Variants in QRICH2 observed in about 807,000 individuals in gnomAD.
QRICH2 encodes glutamine-rich protein 2.
In QRICH2, 119 loss-of-function variants were observed where a neutral mutation model predicts 168.3. That is an observed-to-expected ratio of 0.71 (90% CI 0.61 to 0.82). The LOEUF is 0.82. Among genes scored for constraint, QRICH2 ranks in the 40% least tolerant of loss-of-function variants. The probability of loss-of-function intolerance (pLI) is 0.00; values close to 1 mark genes in which losing one functional copy is unlikely to be tolerated. For missense variants in QRICH2, 2,241 were observed against 2,491.6 expected, an observed-to-expected ratio of 0.90 and a Z score of 2.14; for synonymous variants, 894 against 951.2, an observed-to-expected ratio of 0.94 and a Z score of 1.11.
chr17:76,305,091 C>A, intron 1 of QRICH2, 150 bp from the exon 2 acceptor site: 3 of 645,066 alleles, frequency 4.7e-6, no homozygotes, highest in South Asian at 3.4e-5. Flanking sequence ...TGCCAGGAGA[C>A]GAGGAAAGGG....
intron 7 of QRICH2, among the ~76,000 whole-genome samples, chr17:76,283,579 C>T (rs1356409981): frequency 1.3e-5 from 2 of 152,166 alleles, no homozygotes; most frequent in Non-Finnish European, 2.9e-5. Flanking sequence ...GAATGTGGCT[C>T]AAAGCACAAA....
rs2070626513 is a variant in QRICH2 at position 76,274,124 on chromosome 17, C to G, written c.5619G>C (p.Gly1873=). The G allele has an allele frequency of 1.1e-5, 17 of 1,588,564 alleles. No individual in the cohort carries two copies. Among genetic ancestry groups the G allele is most frequent in the Non-Finnish European group, 1.5e-5 (17 of 1,170,862 alleles). ...GCGGCCCCCGCGTGGGCTCCTCGAG[C>G]CCCTCCCCAGGAGGCATGTCCACGT... is the stretch of plus-strand genomic sequence containing the variant. ...ERHVDMPPGE[G]LEEPTRGPRS... The change falls in exon 19 of 19, where the codon GGG becomes GGC. Residue 1873 remains glycine, a synonymous_variant. Coordinates refer to ENST00000680821, the MANE Select transcript of QRICH2 (RefSeq NM_001388453.1).
Position 76,291,724 on chromosome 17 carries a change from A to G in QRICH2, c.3003T>C (p.Phe1001=), listed in dbSNP as rs1424291023. 3.1e-6 allele frequency: 5 copies of G among 1,614,194 alleles called. No homozygotes were observed. The highest frequency in any genetic ancestry group is 1.6e-4 in the Middle Eastern group (1 of 6,062). The change falls in exon 4 of 19, where the codon TTT becomes TTC. Residue 1001 remains phenylalanine, a synonymous_variant. Transcript: ENST00000680821. ...CATGTTGATATGGACGTACTGATAT[A>G]AAACCTGTAGAATCTGCCTGGAATG... The part of the protein sequence containing the change: ...SSTFQADSTG[F]ISVRPYQHGM...
intron 3 of QRICH2, among the ~76,000 whole-genome samples, chr17:76,297,276 G>A (rs933456880): frequency 2.0e-5 from 3 of 152,208 alleles, no homozygotes; most frequent in African/African-American, 4.8e-5. Flanking sequence ...GGAGGCCAAC[G>A]CGGGAGGATC....
chr17:76,277,043 AT>A (rs1489934703), intron 16 of QRICH2, 119 bp downstream of exon 16: 1 of 1,111,068 alleles, frequency 9.0e-7, no homozygotes, highest in Non-Finnish European at 1.3e-6. Context: ...ACTGGGTCTG[AT>A]TAAGGAATTG....
intron 16 of QRICH2, 25 bp from the exon 17 acceptor site, chr17:76,276,792 G>T: frequency 6.4e-7 from 1 of 1,568,944 alleles, no homozygotes. Flanking sequence ...AGATACCGTC[G>T]CCACTGTAGC....
intron 5 of QRICH2, among the ~76,000 whole-genome samples, chr17:76,288,886 C>G (rs141837387): frequency 0.033 from 5,047 of 152,018 alleles, 301 homozygotes; most frequent in African/African-American, 0.11. Flanking sequence ...AGGCAGATCA[C>G]AAGGTCAGGA....
intron 4 of QRICH2, among the ~76,000 whole-genome samples, chr17:76,290,551 T>C (rs888420346): frequency 3.9e-5 from 6 of 152,050 alleles, no homozygotes; most frequent in Admixed American, 3.3e-4. Context: ...TGGCTAATTT[T>C]TTTTTTGTTT....
intron 3 of QRICH2, among the ~76,000 whole-genome samples, chr17:76,299,751 C>T (rs573688005): frequency 1.5e-4 from 22 of 151,452 alleles, no homozygotes; most frequent in Middle Eastern, 3.4e-3. Context: ...CAAAACTAAA[C>T]GATATTGCAA....
chr17:76,275,845 G>A lies in QRICH2; in HGVS notation c.5456C>T (p.Ala1819Val), dbSNP rs2070666116. ...TGAGGTGTTGCCAGCCGAAATCTGG[G>A]CGCTCTGTGGCCGAGAGGGCAGCTG... is the stretch of plus-strand genomic sequence containing the variant. ...NGQLPSRPQS[A>V]QISAGNTSVS... Residue 1819 changes from alanine to valine, a missense_variant, in exon 18 of 19, where the codon GCC becomes GTC. Coordinates refer to ENST00000680821, the MANE Select transcript of QRICH2 (RefSeq NM_001388453.1). The A allele has an allele frequency of 1.2e-6, 2 of 1,607,280 alleles. No individual in the cohort carries two copies. The highest frequency in any genetic ancestry group is 1.7e-6 in the Non-Finnish European group (2 of 1,179,882).
chr17:76,287,964 A>G (rs1353858893), intron 5 of QRICH2, 67 bp from the exon 6 acceptor site: 2 of 1,245,900 alleles, frequency 1.6e-6, no homozygotes, highest in Admixed American at 3.4e-5. Context: ...GTGCCCTTGC[A>G]TGCAGCTCAT....
chr17:76,274,350 A>G, intron 18 of QRICH2, 90 bp from the exon 19 acceptor site: 2 of 1,369,234 alleles, frequency 1.5e-6, no homozygotes, highest in Non-Finnish European at 2.0e-6. Flanking sequence ...GGAGGTTGAG[A>G]GCAGTTCTGT....
At chr17:76,286,789 T>C (rs1020180712) in intron 7 of QRICH2, among the ~76,000 whole-genome samples, 5 of 149,924 alleles carry the variant, frequency 3.3e-5, no homozygotes, top group Non-Finnish European at 3.0e-5. Context: ...GCAGGAGAAT[T>C]GCTTGAACCT....
rs919495863 is a variant in QRICH2, at chr17:76,293,309, T to C, written c.1418A>G (p.His473Arg). 1.2e-6 allele frequency: 2 copies of C among 1,614,110 alleles called. No homozygotes were observed. Among genetic ancestry groups the C allele is most frequent in the Admixed American group, 1.7e-5 (1 of 60,020 alleles). ...HGLVSVSAYQ[H>R]GMTFPGTDQR... ...GTCTGTGCCAGGAAATGTCATACCA[T>C]GCTGATATGCACTGACTGAAACCAG... The change falls in exon 4 of 19, where the codon CAT becomes CGT. Residue 473 changes from histidine (H) to arginine (R), a missense_variant. By Grantham distance (29) the His-to-Arg change is conservative. Around this residue, in one of 3 missense-constraint regions of QRICH2, gnomAD observed 2,047 missense variants for 2,303.8 expected, o/e 0.89. Coordinates refer to ENST00000680821, the MANE Select transcript of QRICH2 (RefSeq NM_001388453.1).
At chr17:76,289,359 A>T (rs558772423) in intron 5 of QRICH2, among the ~76,000 whole-genome samples, 68 of 151,798 alleles carry the variant, frequency 4.5e-4, no homozygotes, top group African/African-American at 1.5e-3. Context: ...GCTAATTTTT[A>T]AATTTTTTGT....
In QRICH2 at chr17:76,292,850, T is replaced by A. The variant is rs372438254; in HGVS notation, c.1877A>T (p.Asp626Val). 6.2e-7 allele frequency: 1 copy of A among 1,601,060 alleles called. No individual in the cohort carries two copies. The highest frequency in any genetic ancestry group is 8.5e-7 in the Non-Finnish European group (1 of 1,179,490). ...DQRGLVWPGM[D>V]QSGLAQPGRD... ...ACCAGGTTGGGCCAAACCAGACTGATCCATTCCAGGCCAGACCAAACCACG... is the reference window on the plus strand; with the variant it reads ...ACCAGGTTGGGCCAAACCAGACTGAACCATTCCAGGCCAGACCAAACCACG... Residue 626 changes from aspartate to valine, a missense_variant, in exon 4 of 19, where the codon GAT (aspartate) becomes GTT (valine). Around this residue, in one of 3 missense-constraint regions of QRICH2, gnomAD observed 2,047 missense variants for 2,303.8 expected, o/e 0.89. Transcript: ENST00000680821.
chr17:76,292,037 T>C lies in QRICH2; in HGVS notation c.2690A>G (p.Asp897Gly). 1 of 1,614,098 alleles carries C rather than the reference T, an allele frequency of 6.2e-7. No homozygotes were observed. The highest frequency in any genetic ancestry group is 1.3e-5 in the African/African-American group (1 of 75,010). ...DQRGLIQPGA[D>G]QPGLVQPGAG... is the part of the protein sequence containing the mutation. Reference sequence around the variant, plus strand: ...ACCAGGCTGGACCAAACCAGGCTGATCTGCACCAGGTTGGATCAAACCACG... The same window carrying C: ...ACCAGGCTGGACCAAACCAGGCTGACCTGCACCAGGTTGGATCAAACCACG... Residue 897 changes from aspartate to glycine, a missense_variant, in exon 4 of 19, where the codon GAT becomes GGT. This residue lies in a region of QRICH2 where 2,047 missense variants were observed against 2,303.8 expected (regional missense o/e 0.89). Transcript: ENST00000680821.
In QRICH2 at chr17:76,307,841, G is replaced by A. The variant is rs923321153; in HGVS notation, c.158C>T (p.Ser53Leu). The A allele has an allele frequency of 7.0e-6, 9 of 1,284,244 alleles. No homozygotes were observed. Among genetic ancestry groups the A allele is most frequent in the Admixed American group, 7.6e-5 (2 of 26,270 alleles). 79.6% of individuals were successfully genotyped at this position (1,284,244 alleles called of 1,614,324 possible). A position where few individuals can be genotyped will look rare whatever the true frequency, so the allele number is the denominator to read the frequency against. Residue 53 changes from serine to leucine, a missense_variant, in exon 1 of 19, where the codon TCG becomes TTG. Physicochemically the swap from Ser to Leu is moderately radical, Grantham distance 145. This residue lies in a region of QRICH2 where 2,047 missense variants were observed against 2,303.8 expected (regional missense o/e 0.89). Coordinates refer to ENST00000680821, the MANE Select transcript of QRICH2 (RefSeq NM_001388453.1). This position sits in a 1 kb window ranked among gnomAD's most constrained non-coding sequence, Gnocchi z 5.3. ...LQNTRIDFQP[S>L]SPEPSRSLQS... ...CAGCGAGCGGCTGGGCTCGGGCGACGAGGGCTGGAAGTCGATCCGGGTATT... is the reference window on the plus strand; with the variant it reads ...CAGCGAGCGGCTGGGCTCGGGCGACAAGGGCTGGAAGTCGATCCGGGTATT...
intron 3 of QRICH2, among the ~76,000 whole-genome samples, chr17:76,297,548 G>A (rs2070816959): frequency 6.6e-6 from 1 of 152,002 alleles, no homozygotes; most frequent in African/African-American, 2.4e-5. Context: ...ATCCAATGCA[G>A]GAAAAGTCAC....
Sources: allele counts gnomAD v4.1 joint callset (sites outside exome capture counted in the v4.1 genomes callset), GRCh38; gene constraint gnomAD v4.1.1; regional missense constraint gnomAD v4.1.1; non-coding constraint Gnocchi (gnomAD v3.1); transcripts MANE v1.5; gene names NCBI Gene and HGNC (gene_info 2026-07-23, HGNC 2026-07-21).